Variants in FYN observed in about 807,000 individuals in gnomAD.
FYN encodes the protein FYN proto-oncogene, Src family tyrosine kinase.
FYN carries 10 observed loss-of-function variants against 70.2 expected under a neutral mutation model. The observed-to-expected ratio is 0.14, with a 90% CI of 0.09 to 0.24. The LOEUF is 0.24. Ranked by LOEUF, FYN falls within the 10% of genes least tolerant of loss-of-function variation. FYN has a pLI of 1.00. For synonymous variants in FYN, 236 were observed against 248.6 expected (o/e 0.95, Z 0.48); for missense variants, 319 against 673.1 (o/e 0.47, Z 5.82).
rs569031614 is a variant in FYN at position 111,730,329 on chromosome 6, T to C, written c.-11-10267A>G. Among the ~76,000 whole-genome samples the C allele has an allele frequency of 1.1e-4, 17 of 152,278 alleles. No homozygotes were observed. In the South Asian group the frequency reaches 2.3e-3, roughly 20 times the overall value. Reference sequence around the variant, plus strand: ...ATAACCGAACCAAAAGCAGGGTGGCTGGATTAGTGGGGTTTTGAGACCCTT... The same window carrying C: ...ATAACCGAACCAAAAGCAGGGTGGCCGGATTAGTGGGGTTTTGAGACCCTT... On this transcript the variant is annotated intron_variant, in intron 3 of 13. Coordinates refer to ENST00000354650, the MANE Select transcript of FYN (RefSeq NM_002037.5).
At chr6:111,680,495 G>A (rs754825121) in intron 12 of FYN, among the ~76,000 whole-genome samples, 20 of 152,238 alleles carry the variant, frequency 1.3e-4, no homozygotes, top group Non-Finnish European at 1.8e-4. Context: ...GCAGAAGTGC[G>A]ATGACTTCCC....
intron 3 of FYN, among the ~76,000 whole-genome samples, chr6:111,726,222 G>A (rs537157073): frequency 6.6e-6 from 1 of 152,354 alleles, no homozygotes; most frequent in East Asian, 1.9e-4. Context: ...AGAAATGTGA[G>A]CTAACAGATG....
chr6:111,711,379 A>T (rs184025873), intron 5 of FYN, among the ~76,000 whole-genome samples: 215 of 152,366 alleles, frequency 1.4e-3, no homozygotes, highest in African/African-American at 4.9e-3. Flanking sequence ...GTAAACGACT[A>T]GTCTTGAAAT....
Position 111,703,989 on chromosome 6 carries a change from G to A in FYN, c.547+10C>T, listed in dbSNP as rs144496887. ...AATGACAAGCCAACTTCTTCAACTC[G>A]TTATCTTACCTTTGGTGGTTTCACT... On this transcript the variant is annotated intron_variant, in intron 7 of 13. Coordinates refer to ENST00000354650, the MANE Select transcript of FYN (RefSeq NM_002037.5). 29 of 1,604,150 alleles carry A rather than the reference G, an allele frequency of 1.8e-5. No homozygotes were observed. The highest frequency in any genetic ancestry group is 2.4e-5 in the Non-Finnish European group (28 of 1,171,262).
intron 12 of FYN, among the ~76,000 whole-genome samples, chr6:111,693,386 C>T (rs895509040): frequency 6.6e-6 from 1 of 152,108 alleles, no homozygotes; most frequent in East Asian, 1.9e-4. Flanking sequence ...GAAAGTTCCC[C>T]CTTGCCCCAG....
chr6:111,665,493 TTACCTAATACCTGAGA>T lies in FYN; in HGVS notation c.1406-3562_1406-3547del, dbSNP rs1323076814. Among the ~76,000 whole-genome samples, 27 of 152,304 alleles carry T rather than the reference TTACCTAATACCTGAGA, an allele frequency of 1.8e-4. 1 individual carries two copies. In the East Asian group the frequency reaches 4.8e-3, roughly 27 times the overall value. On this transcript the variant is annotated intron_variant, in intron 13 of 13. Coordinates refer to ENST00000354650, the MANE Select transcript of FYN (RefSeq NM_002037.5). ...GCCACTTTTCCCCAAGACATTGGCT[TTACCTAATACCTGAGA>T]GGTGAAGGATAGTGAATAGGAAGGG...
At chr6:111,801,358 G>A (rs1771978510) in intron 2 of FYN, among the ~76,000 whole-genome samples, 1 of 152,162 alleles carries the variant, frequency 6.6e-6, no homozygotes, top group African/African-American at 2.4e-5. Context: ...CATACACCGT[G>A]TACATTTTAT....
At chr6:111,738,148 CCA>C (rs1223725566) in intron 3 of FYN, among the ~76,000 whole-genome samples, 1 of 152,120 alleles carries the variant, frequency 6.6e-6, no homozygotes, top group Non-Finnish European at 1.5e-5. Context: ...AACAAGAGCT[CCA>C]CACACACCGC....
chr6:111,799,902 T>A (rs1771930068), intron 2 of FYN, among the ~76,000 whole-genome samples: 1 of 152,204 alleles, frequency 6.6e-6, no homozygotes, highest in South Asian at 2.1e-4. Context: ...CGGGTGACAT[T>A]TCCAGCACTG....
chr6:111,703,607 A>G (rs1000188036), intron 7 of FYN, among the ~76,000 whole-genome samples: 19 of 152,236 alleles, frequency 1.2e-4, no homozygotes, highest in Non-Finnish European at 2.5e-4. Flanking sequence ...AAAGTCCAAC[A>G]GTTGGAGGAA....
At chr6:111,736,626 A>G (rs1801721480) in intron 3 of FYN, among the ~76,000 whole-genome samples, 1 of 152,202 alleles carries the variant, frequency 6.6e-6, no homozygotes, top group Admixed American at 6.5e-5. Context: ...AAATAAGCCC[A>G]GGAAACAGCT....
chr6:111,810,941 T>C (rs1312499634), intron 2 of FYN, among the ~76,000 whole-genome samples: 1 of 152,252 alleles, frequency 6.6e-6, no homozygotes, highest in Admixed American at 6.5e-5. Context: ...ATTTCTACAA[T>C]GCATCCGTTG....
chr6:111,719,458 C>T (rs1170936564), intron 4 of FYN, among the ~76,000 whole-genome samples: 2 of 152,146 alleles, frequency 1.3e-5, no homozygotes, highest in South Asian at 2.1e-4. Context: ...ATGGCTCAGG[C>T]ATCCGTGTTT....
intron 3 of FYN, among the ~76,000 whole-genome samples, chr6:111,734,243 T>G (rs1801601131): frequency 6.6e-6 from 1 of 152,030 alleles, no homozygotes; most frequent in Admixed American, 6.5e-5. Context: ...CTCTTGGCCC[T>G]CAGCTGAACC....
At chr6:111,777,171 A>G (rs1770981590) in intron 3 of FYN, among the ~76,000 whole-genome samples, 1 of 152,144 alleles carries the variant, frequency 6.6e-6, no homozygotes, top group Non-Finnish European at 1.5e-5. Context: ...TCTTTAGTTG[A>G]CCGTCATTCT....
chr6:111,720,764 A>G (rs1191064305), intron 3 of FYN, among the ~76,000 whole-genome samples: 1 of 152,218 alleles, frequency 6.6e-6, no homozygotes, highest in Non-Finnish European at 1.5e-5. Flanking sequence ...AATTTCCATT[A>G]GCTTTTGACA....
intron 3 of FYN, among the ~76,000 whole-genome samples, chr6:111,749,067 A>G (rs1168065034): frequency 1.3e-5 from 2 of 152,204 alleles, no homozygotes; most frequent in African/African-American, 4.8e-5. Flanking sequence ...TGGTTACCTA[A>G]GGTAAACCAC....
intron 1 of FYN, among the ~76,000 whole-genome samples, chr6:111,870,919 C>A (rs1050170660): frequency 1.3e-5 from 2 of 152,126 alleles, no homozygotes; most frequent in Non-Finnish European, 2.9e-5. Flanking sequence ...ACAAACGACC[C>A]TTTGTTTTTA....
intron 12 of FYN, among the ~76,000 whole-genome samples, chr6:111,688,912 C>T (rs1799173368): frequency 6.6e-6 from 1 of 152,088 alleles, no homozygotes; most frequent in African/African-American, 2.4e-5. Context: ...GGTGACTGCC[C>T]AGATCCACTG....
Sources: allele counts gnomAD v4.1 joint callset (sites outside exome capture counted in the v4.1 genomes callset), GRCh38; gene constraint gnomAD v4.1.1; transcripts MANE v1.5; gene names NCBI Gene and HGNC (gene_info 2026-07-23, HGNC 2026-07-21).